The following CCDC7 variants were observed in gnomAD, a reference collection of about 807,000 sequenced individuals.
The protein encoded by CCDC7 is coiled-coil domain-containing protein 7.
In CCDC7, 183 loss-of-function variants were observed where a neutral mutation model predicts 196.9. That is an observed-to-expected ratio of 0.93 (90% CI 0.82 to 1.05). The LOEUF (loss-of-function observed/expected upper bound fraction) is 1.05. CCDC7 is among the 50% of genes least tolerant of loss of function. The pLI, the probability that CCDC7 is intolerant of heterozygous loss-of-function variation, is 0.00. For synonymous variants in CCDC7, 525 were observed against 484.6 expected, an observed-to-expected ratio of 1.08 and a Z score of -1.10; for missense variants, 1,540 against 1,482.2, an observed-to-expected ratio of 1.04 and a Z score of -0.64.
rs184610587 is a variant in CCDC7, at chr10:32,485,972, G to T, written c.797-5950G>T. Among the ~76,000 whole-genome samples, 395 of 151,812 alleles carry T rather than the reference G, an allele frequency of 2.6e-3. 5 individuals are homozygous for T. Among genetic ancestry groups the T allele is most frequent in the Admixed American group, 5.2e-3 (79 of 15,230 alleles). ...GTGGTGCTGAGAAGATTGTATATTC[G>T]GTTGATTTGGGGTGGAGAGTTCTGT... On this transcript the variant is annotated intron_variant, in intron 8 of 41. Coordinates refer to ENST00000639629, the Ensembl canonical transcript of CCDC7.
intron 8 of CCDC7, among the ~76,000 whole-genome samples, chr10:32,475,068 T>C (rs1045802028): frequency 2.0e-5 from 3 of 152,224 alleles, no homozygotes; most frequent in African/African-American, 7.2e-5. Context: ...TAGGAGTAGA[T>C]AGTGAAAACC....
upstream of CCDC7, among the ~76,000 whole-genome samples, chr10:32,451,084 C>T (rs117574909): frequency 6.6e-6 from 1 of 152,262 alleles, no homozygotes; most frequent in Non-Finnish European, 1.5e-5. Context: ...TACAACCCTC[C>T]TTACTTGCAG....
At chr10:32,706,934 A>G (rs952451836) in intron 24 of CCDC7, among the ~76,000 whole-genome samples, 9 of 152,240 alleles carry the variant, frequency 5.9e-5, no homozygotes, top group Non-Finnish European at 1.2e-4. Context: ...TATTCCAATC[A>G]GTAGAAAAAG....
At chr10:32,813,357 G>C (rs2135389653) in intron 30 of CCDC7, among the ~76,000 whole-genome samples, 1 of 152,156 alleles carries the variant, frequency 6.6e-6, no homozygotes, top group Middle Eastern at 3.4e-3. Context: ...AACTTAAATG[G>C]AAACGGATCC....
chr10:32,739,127 A>G (rs980612741), intron 28 of CCDC7, among the ~76,000 whole-genome samples: 4 of 151,956 alleles, frequency 2.6e-5, no homozygotes, highest in African/African-American at 4.8e-5. Flanking sequence ...CATTTTTGCT[A>G]TTGACCATTT....
intron 32 of CCDC7, among the ~76,000 whole-genome samples, chr10:32,827,645 G>A (rs2091331911): frequency 6.6e-6 from 1 of 151,926 alleles, no homozygotes; most frequent in Admixed American, 6.6e-5. Context: ...GGCCTGTCTG[G>A]GGGTGGGGGG....
chr10:32,865,967 C>T (rs1361481511), intron 41 of CCDC7, among the ~76,000 whole-genome samples: 11 of 151,778 alleles, frequency 7.2e-5, no homozygotes. Flanking sequence ...CATGAACCCA[C>T]AGGTTTATAC....
rs550746675 is a variant in CCDC7, at chr10:32,704,358, G to A, written c.2459-7262G>A. Reference sequence around the variant, plus strand: ...GATCAGCGAATGTTGCTGCCTGATCGTTCCTCTGGAAGTTTTGTCTTAGAG... The same window carrying A: ...GATCAGCGAATGTTGCTGCCTGATCATTCCTCTGGAAGTTTTGTCTTAGAG... On this transcript the variant is annotated intron_variant, in intron 24 of 41. Transcript: ENST00000639629. Among the ~76,000 whole-genome samples the A allele has an allele frequency of 7.9e-5, 12 of 152,202 alleles. No individual in the cohort carries two copies. In the South Asian group the frequency reaches 1.5e-3, roughly 18 times the overall value.
intron 16 of CCDC7, among the ~76,000 whole-genome samples, chr10:32,573,887 A>G (rs2057881344): frequency 6.6e-6 from 1 of 152,178 alleles, no homozygotes; most frequent in African/African-American, 2.4e-5. Flanking sequence ...CTTCAAATAT[A>G]TGGTCATTGC....
chr10:32,852,016 T>C (rs916139775), intron 40 of CCDC7, 84 bp downstream of exon 41: 3 of 1,399,032 alleles, frequency 2.1e-6, no homozygotes, highest in African/African-American at 2.9e-5. Flanking sequence ...GTAATAGCTT[T>C]AGTCATATAA....
chr10:32,694,910 G>C (rs1258328940), exon 24 of CCDC7: 1 of 1,600,616 alleles, frequency 6.2e-7, no homozygotes, highest in Admixed American at 1.7e-5. Flanking sequence ...AAAATCTTGT[G>C]CTTGAACATC....
intron 11 of CCDC7, among the ~76,000 whole-genome samples, chr10:32,522,838 A>G (rs1313950616): frequency 4.6e-5 from 7 of 151,942 alleles, no homozygotes; most frequent in Non-Finnish European, 1.0e-4. Context: ...GCTGTATCCC[A>G]TAGGTTTTGG....
At position 32,524,238 on chromosome 10, in the gene CCDC7, T is replaced by C. The variant is rs145916085; in HGVS notation, c.993+5733T>C. ...TAAACTAATGACAACTTAACACTGA[T>C]TGCATGAACAGAATACACGTGGAAA... On this transcript the variant is annotated intron_variant, in intron 11 of 41. Coordinates refer to ENST00000639629, the Ensembl canonical transcript of CCDC7. 3.9e-5 allele frequency among the ~76,000 whole-genome samples: 6 copies of C among 152,314 alleles called. No homozygotes were observed. The East Asian group carries it at 1.2e-3, about 29-fold the overall frequency.
At chr10:32,464,886 C>T (rs1423280257) in intron 5 of CCDC7, among the ~76,000 whole-genome samples, 1 of 152,144 alleles carries the variant, frequency 6.6e-6, no homozygotes, top group Non-Finnish European at 1.5e-5. Flanking sequence ...TCCTTCTTTT[C>T]AGTTTTTAAA....
intron 33 of CCDC7, among the ~76,000 whole-genome samples, chr10:32,839,171 C>T (rs2092811109): frequency 2.0e-5 from 3 of 151,788 alleles, no homozygotes; most frequent in Admixed American, 2.0e-4. Context: ...GACCTAAATG[C>T]TGCACTTAAA....
At chr10:32,869,121 C>T (rs1358167287) in intron 41 of CCDC7, among the ~76,000 whole-genome samples, 2 of 152,108 alleles carry the variant, frequency 1.3e-5, no homozygotes, top group East Asian at 3.9e-4. Flanking sequence ...ATTTCTAGTT[C>T]TAGATCCCTG....
In CCDC7 at chr10:32,483,385, C is replaced by G. The variant is rs535520598; in HGVS notation, c.797-8537C>G. Among the ~76,000 whole-genome samples the G allele has an allele frequency of 1.6e-4, 24 of 152,166 alleles. No homozygotes were observed. In the South Asian group the frequency reaches 5.0e-3, roughly 32 times the overall value. On this transcript the variant is annotated intron_variant, in intron 8 of 41. Coordinates refer to ENST00000639629, the Ensembl canonical transcript of CCDC7. ...AATTTGTTTGAGTTCATTGTAGATT[C>G]TGGATATTAGCCCTTTGTCAGATGA... is the stretch of plus-strand genomic sequence containing the variant.
chr10:32,503,614 T>C (rs576739122), intron 9 of CCDC7, among the ~76,000 whole-genome samples: 28 of 152,348 alleles, frequency 1.8e-4, no homozygotes, highest in Non-Finnish European at 3.2e-4. Context: ...TCTGACTTTG[T>C]TATCAGGGTG....
chr10:32,584,476 G>T (rs2059037414), intron 18 of CCDC7, among the ~76,000 whole-genome samples, 172 bp downstream of exon 19: 6 of 150,178 alleles, frequency 4.0e-5, no homozygotes, highest in Non-Finnish European at 3.0e-5. Context: ...TATCTCGGTG[G>T]GCCAGGCGTG....
Sources: allele counts gnomAD v4.1 joint callset (sites outside exome capture counted in the v4.1 genomes callset), GRCh38; gene constraint gnomAD v4.1.1; transcripts MANE v1.5; gene names NCBI Gene and HGNC (gene_info 2026-07-23, HGNC 2026-07-21).